The following AFF3 variants were observed in gnomAD, a reference collection of about 807,000 sequenced individuals.
AFF3 encodes the protein AF4/FMR2 family member 3.
In AFF3, 32 loss-of-function variants were observed where a neutral mutation model predicts 129.7. The observed-to-expected ratio is 0.25, with a 90% CI of 0.19 to 0.33. The LOEUF (loss-of-function observed/expected upper bound fraction) is 0.33. Among genes scored for constraint, AFF3 ranks in the 10% least tolerant of loss-of-function variants. The probability of loss-of-function intolerance (pLI) is 1.00; values close to 1 mark genes in which losing one functional copy is unlikely to be tolerated. For missense variants in AFF3, 1,373 were observed against 1,592.0 expected, an observed-to-expected ratio of 0.86 and a Z score of 2.34; for synonymous variants, 644 against 635.4, an observed-to-expected ratio of 1.01 and a Z score of -0.20.
At chr2:99,742,285 A>G (rs1336713702) in intron 10 of AFF3, among the ~76,000 whole-genome samples, 17 of 152,204 alleles carry the variant, frequency 1.1e-4, no homozygotes, top group Admixed American at 1.0e-3. Flanking sequence ...TCAAGGTTAT[A>G]GTGAGCTATA....
At chr2:99,946,287 A>G (rs553678750) in intron 7 of AFF3, among the ~76,000 whole-genome samples, 10 of 151,942 alleles carry the variant, frequency 6.6e-5, no homozygotes, top group African/African-American at 2.4e-4. Flanking sequence ...AGCTTGGCCA[A>G]CATGGCGTAA....
At chr2:99,864,900 G>A (rs1691265189) in intron 7 of AFF3, among the ~76,000 whole-genome samples, 1 of 147,242 alleles carries the variant, frequency 6.8e-6, no homozygotes, top group South Asian at 2.1e-4. Flanking sequence ...CAAACAAAAG[G>A]GCAGAGTCAT....
chr2:100,090,408 A>G (rs979745899), intron 4 of AFF3, among the ~76,000 whole-genome samples: 24 of 152,208 alleles, frequency 1.6e-4, no homozygotes, highest in African/African-American at 5.3e-4. Context: ...TGGAGTATAC[A>G]ACTAATTGCA....
chr2:99,843,408 T>C (rs1280710369), intron 7 of AFF3, among the ~76,000 whole-genome samples: 1 of 152,202 alleles, frequency 6.6e-6, no homozygotes, highest in Non-Finnish European at 1.5e-5. Context: ...TCCACCATCA[T>C]CTATATATGT....
chr2:99,616,196 C>T (rs1044696519), intron 13 of AFF3, among the ~76,000 whole-genome samples: 19 of 152,178 alleles, frequency 1.2e-4, no homozygotes, highest in African/African-American at 4.6e-4. Flanking sequence ...TCCTGCCACC[C>T]ATGCACTTAT....
intron 11 of AFF3, among the ~76,000 whole-genome samples, chr2:99,680,377 T>C (rs1436929509): frequency 1.3e-5 from 2 of 152,190 alleles, no homozygotes; most frequent in Admixed American, 1.3e-4. Flanking sequence ...ATTGAGTTTC[T>C]AAGGCTAAAT....
At chr2:99,743,177 A>G (rs1680859216) in intron 10 of AFF3, among the ~76,000 whole-genome samples, 1 of 152,178 alleles carries the variant, frequency 6.6e-6, no homozygotes, top group Non-Finnish European at 1.5e-5. Flanking sequence ...GGGATAATTA[A>G]GTGATATTGC....
At chr2:100,113,089 A>C (rs1478154356) in intron 2 of AFF3, among the ~76,000 whole-genome samples, 2 of 152,222 alleles carry the variant, frequency 1.3e-5, no homozygotes, top group Non-Finnish European at 2.9e-5. Flanking sequence ...TGAAGAATGC[A>C]ACCTCAAGTC....
chr2:99,582,865 G>A lies in AFF3; in HGVS notation c.2726C>T (p.Thr909Ile). The A allele has an allele frequency of 6.2e-7, 1 of 1,614,232 alleles. No homozygotes were observed. Among genetic ancestry groups the A allele is most frequent in the Non-Finnish European group, 8.5e-7 (1 of 1,180,042 alleles). Reference sequence around the variant, plus strand: ...AGGCTTTTTGCTGGAAGAGGCTGAAGTAAACAAACTGTTGCCATTAGGTCG... The same window carrying A: ...AGGCTTTTTGCTGGAAGAGGCTGAAATAAACAAACTGTTGCCATTAGGTCG... ...SSRPNGNSLF[T>I]SASSSKKPKA... Residue 909 changes from threonine (T) to isoleucine (I), a missense_variant, in exon 17 of 25, where the codon ACT becomes ATT. Physicochemically the swap from Thr to Ile is moderately conservative, Grantham distance 89. Coordinates refer to ENST00000672756, the MANE Select transcript of AFF3 (RefSeq NM_001386135.1).
chr2:99,842,944 C>G (rs1689429925), intron 7 of AFF3, among the ~76,000 whole-genome samples: 1 of 152,182 alleles, frequency 6.6e-6, no homozygotes, highest in East Asian at 1.9e-4. Flanking sequence ...TCAGGTGGAA[C>G]TTGCATTCTA....
intron 7 of AFF3, among the ~76,000 whole-genome samples, chr2:99,928,777 C>G (rs541531859): frequency 6.6e-6 from 1 of 152,142 alleles, no homozygotes; most frequent in African/African-American, 2.4e-5. Flanking sequence ...GTCTTGAGAC[C>G]ACCCCAACCT....
intron 13 of AFF3, among the ~76,000 whole-genome samples, chr2:99,633,417 T>G (rs1056448933): frequency 6.6e-6 from 1 of 151,846 alleles, no homozygotes; most frequent in African/African-American, 2.4e-5. Flanking sequence ...GCCTAACGTA[T>G]GGGTAGAAGG....
chr2:100,105,995 TC>T, intron 2 of AFF3: 1 of 1,324,210 alleles, frequency 7.6e-7, no homozygotes, highest in Non-Finnish European at 1.0e-6. Flanking sequence ...AGTGACGGGA[TC>T]CCTCCAGCGT....
chr2:99,738,130 C>T (rs1680405679), intron 10 of AFF3, among the ~76,000 whole-genome samples: 1 of 152,010 alleles, frequency 6.6e-6, no homozygotes, highest in African/African-American at 2.4e-5. Context: ...CTCCGCTGTC[C>T]TGTTTGTTCT....
At chr2:99,928,706 A>T in intron 7 of AFF3, among the ~76,000 whole-genome samples, 1 of 152,206 alleles carries the variant, frequency 6.6e-6, no homozygotes, top group East Asian at 1.9e-4. Context: ...ACCAGAAAAC[A>T]AGATGCAGCC....
intron 7 of AFF3, among the ~76,000 whole-genome samples, chr2:99,844,489 GCA>G (rs1689582982): frequency 7.5e-6 from 1 of 133,146 alleles, no homozygotes; most frequent in African/African-American, 2.9e-5. Context: ...CCAGGCTAGA[GCA>G]CAGTGGCGCC....
chr2:99,858,271 C>T (rs1045842310), intron 7 of AFF3, among the ~76,000 whole-genome samples: 15 of 151,200 alleles, frequency 9.9e-5, no homozygotes, highest in African/African-American at 2.9e-4. Context: ...TTTGGCAGGG[C>T]GTGGTGGCTC....
chr2:99,931,161 G>A (rs1387368709), intron 7 of AFF3, among the ~76,000 whole-genome samples: 1 of 152,158 alleles, frequency 6.6e-6, no homozygotes, highest in Non-Finnish European at 1.5e-5. Flanking sequence ...ATAAATGTAA[G>A]GACCCCCTTC....
rs769873732 is a variant in AFF3 at position 99,565,519 on chromosome 2, A to G, written c.3087T>C (p.Tyr1029=). The G allele has an allele frequency of 3.7e-6, 6 of 1,614,234 alleles. No individual in the cohort carries two copies. Among genetic ancestry groups the G allele is most frequent in the Middle Eastern group, 1.6e-4 (1 of 6,062 alleles). Residue 1029 remains tyrosine (Y), a synonymous_variant, in exon 20 of 25, where the codon TAT becomes TAC. Coordinates refer to ENST00000672756, the MANE Select transcript of AFF3 (RefSeq NM_001386135.1). ...EQGPMESKSP[Y]TMYSETVELI... is the part of the protein sequence containing the mutation. ...GCTCTACTGTTTCTGAATACATCGT[A>G]TAAGGAGATTTGGATTCCATGGGGC...
Sources: allele counts gnomAD v4.1 joint callset (sites outside exome capture counted in the v4.1 genomes callset), GRCh38; gene constraint gnomAD v4.1.1; transcripts MANE v1.5; gene names NCBI Gene and HGNC (gene_info 2026-07-23, HGNC 2026-07-21).